TEAD1: variants seen among roughly 807,000 people sequenced by gnomAD.
TEAD1 encodes transcriptional enhancer factor TEF-1.
Under a neutral mutation model 54.9 loss-of-function variants are expected in TEAD1, and 9 were observed. That is an observed-to-expected ratio of 0.16 (90% CI 0.10 to 0.29). The LOEUF (loss-of-function observed/expected upper bound fraction) is 0.29, where lower values mean the gene tolerates loss of function less well. Among genes scored for constraint, TEAD1 ranks in the 10% least tolerant of loss-of-function variants. The pLI is 1.00. For synonymous variants in TEAD1, 200 were observed against 187.8 expected, an observed-to-expected ratio of 1.07 and a Z score of -0.53; for missense variants, 387 against 535.9, an observed-to-expected ratio of 0.72 and a Z score of 2.74.
chr11:12,843,613 T>C (rs1391852472), intron 3 of TEAD1, among the ~76,000 whole-genome samples: 2 of 152,264 alleles, frequency 1.3e-5, no homozygotes, highest in Admixed American at 6.5e-5. Flanking sequence ...TGGATTGTTA[T>C]TCACAAAAGC....
At chr11:12,856,241 C>T (rs561697606) in intron 3 of TEAD1, among the ~76,000 whole-genome samples, 1 of 151,854 alleles carries the variant, frequency 6.6e-6, no homozygotes, top group Admixed American at 6.6e-5. Flanking sequence ...AAATGTTGAG[C>T]CACCTGAGAA....
Position 12,864,969 on chromosome 11 carries a change from G to T in TEAD1, c.330+69G>T, listed in dbSNP as rs775873765. 198 of 1,535,532 alleles carry T rather than the reference G, an allele frequency of 1.3e-4. 1 individual carries two copies. The highest frequency in any genetic ancestry group is 1.7e-4 in the Non-Finnish European group (189 of 1,108,868). On this transcript the variant is annotated intron_variant, in intron 5 of 12. Coordinates refer to ENST00000527636, the MANE Select transcript of TEAD1 (RefSeq NM_021961.6). ...CACTTCCTGTTTTCCATGGTGACTG[G>T]TGAATGCCTGGTGCTGGGATTCTCG...
intron 10 of TEAD1, among the ~76,000 whole-genome samples, chr11:12,911,104 A>T (rs561496447): frequency 6.6e-6 from 1 of 152,346 alleles, no homozygotes; most frequent in African/African-American, 2.4e-5. Flanking sequence ...TACTTTTACT[A>T]ACCATAGCAG....
chr11:12,682,966 G>T (rs1279469340), intron 2 of TEAD1, among the ~76,000 whole-genome samples: 2 of 152,108 alleles, frequency 1.3e-5, no homozygotes, highest in Non-Finnish European at 2.9e-5. Flanking sequence ...CCTTGATGTT[G>T]CATGCGCTCA....
intron 3 of TEAD1, among the ~76,000 whole-genome samples, chr11:12,791,521 G>A (rs1356750074): frequency 1.3e-5 from 2 of 152,080 alleles, no homozygotes; most frequent in Admixed American, 6.6e-5. Flanking sequence ...TCTTATAGAC[G>A]GTTTTGTGAC....
At chr11:12,794,633 G>C (rs974860205) in intron 3 of TEAD1, among the ~76,000 whole-genome samples, 3 of 152,196 alleles carry the variant, frequency 2.0e-5, no homozygotes, top group African/African-American at 7.2e-5. Context: ...AGGCCTTCCT[G>C]TCAGAGCCTC....
chr11:12,768,910 G>A (rs1394418034), intron 3 of TEAD1, among the ~76,000 whole-genome samples: 2 of 152,166 alleles, frequency 1.3e-5, no homozygotes, highest in Non-Finnish European at 2.9e-5. Context: ...TGGCTACCAA[G>A]GTCGAGGGCA....
intron 3 of TEAD1, among the ~76,000 whole-genome samples, chr11:12,802,780 A>G (rs376962837): frequency 1.6e-4 from 25 of 152,334 alleles, no homozygotes; most frequent in African/African-American, 5.8e-4. Context: ...TCACTCGGAG[A>G]TACCGAGGCC....
chr11:12,934,193 A>G (rs1949059687), intron 12 of TEAD1, among the ~76,000 whole-genome samples: 2 of 152,226 alleles, frequency 1.3e-5, no homozygotes, highest in Non-Finnish European at 2.9e-5. Context: ...TACATCATGG[A>G]ATACTATGCA....
In TEAD1 at chr11:12,943,518, T is replaced by C. The variant is rs1251896148; in HGVS notation, c.*6296T>C. The C allele has an allele frequency of 3.3e-5, 5 of 152,518 alleles. No individual in the cohort carries two copies. Among genetic ancestry groups the C allele is most frequent in the Non-Finnish European group, 7.3e-5 (5 of 68,046 alleles). 9.4% of individuals were successfully genotyped at this position (152,518 alleles called of 1,614,324 possible). A position where few individuals can be genotyped will look rare whatever the true frequency, so the allele number is the denominator to read the frequency against. The stretch of plus-strand genomic sequence containing the variant: ...CCTACTTCCTAAGCCGTAACTTCTT[T>C]TCCTCTGTGAATTTGCATTGAGTCA... On this transcript the variant is annotated 3_prime_UTR_variant, in exon 13 of 13. Transcript: ENST00000527636.
At chr11:12,832,553 C>G (rs1946804683) in intron 3 of TEAD1, among the ~76,000 whole-genome samples, 1 of 152,202 alleles carries the variant, frequency 6.6e-6, no homozygotes, top group African/African-American at 2.4e-5. Context: ...TGTCACAGCT[C>G]AAAACTTTCC....
At chr11:12,936,132 C>T (rs771579893) in intron 12 of TEAD1, among the ~76,000 whole-genome samples, 19 of 152,126 alleles carry the variant, frequency 1.2e-4, no homozygotes, top group Non-Finnish European at 2.2e-4. Context: ...GAGTCACTGA[C>T]GCGTTTCATG....
At chr11:12,896,320 G>A (rs1399723664) in intron 9 of TEAD1, among the ~76,000 whole-genome samples, 2 of 152,174 alleles carry the variant, frequency 1.3e-5, no homozygotes, top group Admixed American at 1.3e-4. Context: ...ACTCTGGACT[G>A]GTTGCTGACC....
At chr11:12,866,917 A>T (rs894375022) in intron 5 of TEAD1, among the ~76,000 whole-genome samples, 5 of 152,210 alleles carry the variant, frequency 3.3e-5, no homozygotes, top group Non-Finnish European at 7.3e-5. Flanking sequence ...ACTTTGGGTA[A>T]TAGCGGGAGC....
chr11:12,863,595 T>C (rs1209035177), intron 4 of TEAD1, among the ~76,000 whole-genome samples: 1 of 152,182 alleles, frequency 6.6e-6, no homozygotes, highest in Non-Finnish European at 1.5e-5. Context: ...GCTGGAGAGT[T>C]GGAAATGGGG....
chr11:12,834,763 C>CTT (rs61145299), intron 3 of TEAD1, among the ~76,000 whole-genome samples: 250 of 104,708 alleles, frequency 2.4e-3, no homozygotes, highest in Non-Finnish European at 3.2e-3. Flanking sequence ...TGTGCCCACT[C>CTT]TTTTTTTTTT....
At chr11:12,745,974 T>C (rs1274898444) in intron 2 of TEAD1, among the ~76,000 whole-genome samples, 1 of 152,226 alleles carries the variant, frequency 6.6e-6, no homozygotes, top group Admixed American at 6.5e-5. Flanking sequence ...AGGAAGTGCA[T>C]CTTTTCTTGT....
Position 12,784,367 on chromosome 11 carries a change from G to A in TEAD1, c.202+19933G>A, listed in dbSNP as rs181663353. ...TGGGGAGGGCGCCAGCAGGCACTGG[G>A]CAATTCAGCATTCTGGATTTGAGAA... On this transcript the variant is annotated intron_variant, in intron 3 of 12. Coordinates refer to ENST00000527636, the MANE Select transcript of TEAD1 (RefSeq NM_021961.6). Among the ~76,000 whole-genome samples, 198 of 152,270 alleles carry A rather than the reference G, an allele frequency of 1.3e-3. 1 individual carries two copies. Among genetic ancestry groups the A allele is most frequent in the African/African-American group, 4.4e-3 (181 of 41,554 alleles).
chr11:12,709,339 A>G (rs529949229), intron 2 of TEAD1, among the ~76,000 whole-genome samples: 2 of 138,832 alleles, frequency 1.4e-5, no homozygotes, highest in African/African-American at 6.6e-5. Flanking sequence ...TTCTCTCTCA[A>G]AAAAAATAAA....
Sources: allele counts gnomAD v4.1 joint callset (sites outside exome capture counted in the v4.1 genomes callset), GRCh38; gene constraint gnomAD v4.1.1; transcripts MANE v1.5; gene names NCBI Gene and HGNC (gene_info 2026-07-23, HGNC 2026-07-21).